Variants in ZNF804B observed in about 807,000 individuals in gnomAD.
ZNF804B encodes the protein zinc finger 804B.
Under a neutral mutation model 101.4 loss-of-function variants are expected in ZNF804B, and 80 were observed. The ratio of observed to expected loss-of-function variants is 0.79; its 90% CI spans 0.66 to 0.95. The LOEUF is 0.95. ZNF804B is among the 40% of genes least tolerant of loss of function. The pLI is 0.00. For missense variants in ZNF804B, 1,673 were observed against 1,561.9 expected (o/e 1.07, Z -1.20); for synonymous variants, 622 against 558.8 (o/e 1.11, Z -1.59).
In ZNF804B at chr7:89,336,781, C is replaced by T. The variant is rs758232723; in HGVS notation, c.3799C>T (p.Pro1267Ser). The stretch of plus-strand genomic sequence containing the variant: ...ACACCCCACTTTCTTAGCAGGTCAT[C>T]CCCTGCATTTAGTAGCTGCTACCCC... The part of the protein sequence containing the change: ...PAHPTFLAGH[P>S]LHLVAATPFH... Residue 1267 changes from proline (P) to serine (S), a missense_variant, in exon 4 of 4, where the codon CCC (proline) becomes TCC (serine). Coordinates refer to ENST00000333190, the MANE Select transcript of ZNF804B (RefSeq NM_181646.5). 1.2e-6 allele frequency: 2 copies of T among 1,614,052 alleles called. No homozygotes were observed. Among genetic ancestry groups the T allele is most frequent in the Non-Finnish European group, 8.5e-7 (1 of 1,180,008 alleles).
chr7:89,327,513 G>A (rs201186876), intron 3 of ZNF804B, 39 bp downstream of exon 3: 256 of 1,587,662 alleles, frequency 1.6e-4, no homozygotes, highest in Non-Finnish European at 2.0e-4. Context: ...CAAAACTCTC[G>A]TCAACCTATG....
At chr7:88,767,161 C>T (rs117408890) in intron 1 of ZNF804B, among the ~76,000 whole-genome samples, 229 of 152,274 alleles carry the variant, frequency 1.5e-3, no homozygotes, top group Non-Finnish European at 2.5e-3. Context: ...TACTAGCCCT[C>T]GCAAATGGTA....
intron 1 of ZNF804B, among the ~76,000 whole-genome samples, chr7:89,128,131 T>G (rs1790500038): frequency 6.6e-6 from 1 of 151,798 alleles, no homozygotes; most frequent in Admixed American, 6.6e-5. Flanking sequence ...TTTGGGCGTT[T>G]GAATGTTTTG....
chr7:88,882,205 T>C (rs944141493), intron 1 of ZNF804B, among the ~76,000 whole-genome samples: 4 of 152,118 alleles, frequency 2.6e-5, no homozygotes, highest in Non-Finnish European at 5.9e-5. Context: ...AAAACATGTA[T>C]GCCTAAAGAA....
At chr7:88,802,269 A>G (rs1398415157) in intron 1 of ZNF804B, among the ~76,000 whole-genome samples, 3 of 152,106 alleles carry the variant, frequency 2.0e-5, no homozygotes, top group Non-Finnish European at 4.4e-5. Context: ...AACAGTGCGA[A>G]AGTGAACTAG....
intron 1 of ZNF804B, among the ~76,000 whole-genome samples, chr7:88,917,035 C>A (rs1792642653): frequency 6.6e-6 from 1 of 151,998 alleles, no homozygotes; most frequent in Non-Finnish European, 1.5e-5. Flanking sequence ...GAGGCCGAAG[C>A]AGGTGGATCA....
At chr7:88,924,423 T>A (rs1397109370) in intron 1 of ZNF804B, among the ~76,000 whole-genome samples, 1 of 152,140 alleles carries the variant, frequency 6.6e-6, no homozygotes, top group African/African-American at 2.4e-5. Context: ...TTCTTATCAA[T>A]GTATAGATGT....
At chr7:89,317,899 C>A (rs1168047822) in intron 2 of ZNF804B, among the ~76,000 whole-genome samples, 1 of 152,086 alleles carries the variant, frequency 6.6e-6, no homozygotes. Context: ...TCAAGGGATG[C>A]AACATATTTT....
intron 1 of ZNF804B, among the ~76,000 whole-genome samples, chr7:88,857,822 CTTTTTTTTTTTTTTTTTTT>C (rs55841922): frequency 3.7e-5 from 3 of 81,472 alleles, no homozygotes; most frequent in East Asian, 3.5e-4. Context: ...CCTTTCTTTT[CTTTTTTTTTTTTTTTTTTT>C]TTTTTTTTTT....
chr7:89,177,281 C>T (rs1791336781), intron 1 of ZNF804B, among the ~76,000 whole-genome samples: 1 of 152,102 alleles, frequency 6.6e-6, no homozygotes, highest in South Asian at 2.1e-4. Context: ...CTTAGTACTA[C>T]CTTAGCTGTA....
intron 1 of ZNF804B, among the ~76,000 whole-genome samples, chr7:88,932,802 G>A (rs189071435): frequency 6.6e-6 from 1 of 151,538 alleles, no homozygotes; most frequent in Non-Finnish European, 1.5e-5. Context: ...ATTCACAGAT[G>A]AATTCTATCA....
At chr7:88,875,466 C>G (rs1336589271) in intron 1 of ZNF804B, among the ~76,000 whole-genome samples, 2 of 151,908 alleles carry the variant, frequency 1.3e-5, no homozygotes, top group Admixed American at 6.6e-5. Flanking sequence ...AATAAAAAAT[C>G]ATAAAGGAGA....
chr7:88,956,983 T>A (rs1793319383), intron 1 of ZNF804B, among the ~76,000 whole-genome samples: 1 of 151,480 alleles, frequency 6.6e-6, no homozygotes, highest in Non-Finnish European at 1.5e-5. Context: ...TGCCTAAAAA[T>A]AGGAGTTCTG....
intron 3 of ZNF804B, among the ~76,000 whole-genome samples, chr7:89,331,019 T>C (rs1332033366): frequency 2.0e-5 from 3 of 150,886 alleles, no homozygotes; most frequent in Non-Finnish European, 4.4e-5. Context: ...ATATTTAACA[T>C]GATATAATAA....
intron 1 of ZNF804B, among the ~76,000 whole-genome samples, chr7:88,809,388 AATCTACCAACCTACCTACCT>A (rs949736372): frequency 8.6e-5 from 13 of 151,592 alleles, no homozygotes; most frequent in African/African-American, 1.9e-4. Context: ...CTTACTTACC[AATCTACCAACCTACCTACCT>A]ATCTACCAAC....
intron 1 of ZNF804B, among the ~76,000 whole-genome samples, chr7:89,113,738 G>A (rs1790258921): frequency 6.6e-6 from 1 of 152,054 alleles, no homozygotes; most frequent in African/African-American, 2.4e-5. Flanking sequence ...AGATCATGAG[G>A]TCAGGAGATT....
At chr7:88,938,453 A>G (rs1009477622) in intron 1 of ZNF804B, among the ~76,000 whole-genome samples, 1 of 152,012 alleles carries the variant, frequency 6.6e-6, no homozygotes, top group Non-Finnish European at 1.5e-5. Flanking sequence ...GCAAATAAAC[A>G]TGTTTTGGGG....
intron 1 of ZNF804B, among the ~76,000 whole-genome samples, chr7:89,131,755 T>C (rs1329166988): frequency 6.6e-6 from 1 of 152,006 alleles, no homozygotes; most frequent in African/African-American, 2.4e-5. Context: ...TATATTGTGG[T>C]CAGACATTAG....
intron 2 of ZNF804B, among the ~76,000 whole-genome samples, chr7:89,266,439 G>T (rs2708619): frequency 0.13 from 20,429 of 151,952 alleles, 2,359 homozygotes; most frequent in East Asian, 0.64. Flanking sequence ...AATATATCTA[G>T]GTAGGAACTA....
Sources: gnomAD v4.1 joint callset for allele counts (sites outside exome capture counted in the v4.1 genomes callset) on GRCh38, gnomAD v4.1.1 for gene constraint, MANE v1.5 for transcripts, NCBI Gene and HGNC (gene_info 2026-07-23, HGNC 2026-07-21) for gene names.